PRELID2: variants seen among roughly 807,000 people sequenced by gnomAD.
PRELID2 encodes PRELI domain-containing protein 2.
A neutral mutation model predicts 28.4 loss-of-function variants in PRELID2; 25 were observed. That is an observed-to-expected ratio of 0.88 (90% CI 0.64 to 1.23). The LOEUF (loss-of-function observed/expected upper bound fraction) is 1.23. PRELID2 is among the 50% of genes most tolerant of loss of function. PRELID2 has a pLI of 0.00. For synonymous variants in PRELID2, 76 were observed against 71.6 expected (o/e 1.06, Z -0.31); for missense variants, 201 against 214.4 (o/e 0.94, Z 0.39).
the PRELID2 span, among the ~76,000 whole-genome samples, chr5:145,254,976 T>G: frequency 6.6e-6 from 1 of 151,530 alleles, no homozygotes; most frequent in Non-Finnish European, 1.5e-5. Context: ...AAGCTGAATT[T>G]AACTAAAGCA....
intron 1 of PRELID2, among the ~76,000 whole-genome samples, chr5:145,701,858 C>A (rs1198921785): frequency 6.6e-6 from 1 of 152,176 alleles, no homozygotes; most frequent in Admixed American, 6.5e-5. Flanking sequence ...TCAAGACCAG[C>A]CTGACCAATG....
At chr5:145,233,983 G>A in the PRELID2 span, among the ~76,000 whole-genome samples, 285 of 152,190 alleles carry the variant, frequency 1.9e-3, no homozygotes, top group African/African-American at 6.5e-3. Flanking sequence ...TTGCATTTAC[G>A]TTTATGCTAC....
intron 1 of PRELID2, among the ~76,000 whole-genome samples, chr5:145,491,650 A>G (rs1015588126): frequency 3.3e-5 from 5 of 152,010 alleles, no homozygotes; most frequent in African/African-American, 1.2e-4. Flanking sequence ...TCTTAAACAT[A>G]TTTCTCCTAT....
At chr5:145,499,511 A>G (rs937672934) in intron 1 of PRELID2, among the ~76,000 whole-genome samples, 2 of 152,150 alleles carry the variant, frequency 1.3e-5, no homozygotes, top group African/African-American at 4.8e-5. Context: ...TCCAAAGACA[A>G]CTGACATGAC....
chr5:145,511,214 T>C (rs755784813), intron 1 of PRELID2, among the ~76,000 whole-genome samples: 8 of 152,250 alleles, frequency 5.3e-5, no homozygotes, highest in Non-Finnish European at 1.0e-4. Flanking sequence ...CTGTTTGTGA[T>C]GTGATGATCT....
intron 1 of PRELID2, among the ~76,000 whole-genome samples, chr5:145,705,983 T>C (rs1300410700): frequency 6.9e-6 from 1 of 144,898 alleles, no homozygotes; most frequent in Non-Finnish European, 1.5e-5. Context: ...CCCCACAAAT[T>C]TGATTCAAAA....
At chr5:145,242,092 C>CA in the PRELID2 span, among the ~76,000 whole-genome samples, 5 of 151,576 alleles carry the variant, frequency 3.3e-5, no homozygotes, top group African/African-American at 9.7e-5. Flanking sequence ...GTTCATTTTG[C>CA]AAAAAATATT....
chr5:145,289,450 T>C, the PRELID2 span, among the ~76,000 whole-genome samples: 1 of 152,182 alleles, frequency 6.6e-6, no homozygotes, highest in South Asian at 2.1e-4. Context: ...CTCTTATTGC[T>C]AAATAACATT....
intron 4 of PRELID2, among the ~76,000 whole-genome samples, chr5:145,803,683 A>G (rs933451636): frequency 6.6e-6 from 1 of 150,998 alleles, no homozygotes; most frequent in Non-Finnish European, 1.5e-5. Context: ...TACTAACATT[A>G]GTAATAATTA....
chr5:145,417,899 A>G, the PRELID2 span, among the ~76,000 whole-genome samples: 5 of 152,088 alleles, frequency 3.3e-5, no homozygotes, highest in Non-Finnish European at 7.4e-5. Context: ...CTGGACAGGG[A>G]AATCAAGCAA....
At chr5:145,385,250 A>G in the PRELID2 span, among the ~76,000 whole-genome samples, 1 of 152,196 alleles carries the variant, frequency 6.6e-6, no homozygotes, top group Non-Finnish European at 1.5e-5. Context: ...TTCCAAAGTT[A>G]AGCATGTTCC....
At chr5:145,574,081 G>T (rs1322151689) in intron 1 of PRELID2, among the ~76,000 whole-genome samples, 1 of 152,134 alleles carries the variant, frequency 6.6e-6, no homozygotes, top group African/African-American at 2.4e-5. Context: ...TATCTGAGTG[G>T]ACCCAATGCA....
intron 1 of PRELID2, among the ~76,000 whole-genome samples, chr5:145,524,989 A>G (rs1307099502): frequency 1.3e-5 from 2 of 152,214 alleles, no homozygotes; most frequent in African/African-American, 4.8e-5. Flanking sequence ...TCTTCACTTT[A>G]AAAGTAACCA....
the PRELID2 span, among the ~76,000 whole-genome samples, chr5:145,461,143 C>T: frequency 1.3e-5 from 2 of 152,120 alleles, no homozygotes. Flanking sequence ...TCAATTTGTC[C>T]TATTTTCAAT....
In PRELID2 at chr5:145,676,215, C is replaced by T. The variant is rs141456131; in HGVS notation, n.70+88716G>A. On this transcript the variant is annotated intron_variant and non_coding_transcript_variant, in intron 1 of 2. Transcript: ENST00000510259. ...ACCCTGGGCAACAAGAGCGAAACTCCATCTCAAAAAAAAAAAAAAAAAAAA... is the reference window on the plus strand; with the variant it reads ...ACCCTGGGCAACAAGAGCGAAACTCTATCTCAAAAAAAAAAAAAAAAAAAA... Among the ~76,000 whole-genome samples the T allele has an allele frequency of 5.9e-4, 65 of 110,062 alleles. No individual in the cohort carries two copies. In the East Asian group the frequency reaches 0.014, roughly 24 times the overall value. 72.2% of individuals were successfully genotyped at this position (110,062 alleles called of 152,430 possible).
chr5:145,529,915 C>G (rs781193006), intron 1 of PRELID2, among the ~76,000 whole-genome samples: 3 of 152,106 alleles, frequency 2.0e-5, no homozygotes, highest in Non-Finnish European at 4.4e-5. Context: ...ATCAAAATGC[C>G]TGAGATGACC....
Position 145,615,573 on chromosome 5 carries a change from G to T in PRELID2, n.71-142258C>A, listed in dbSNP as rs111783681. 3.5e-3 allele frequency among the ~76,000 whole-genome samples: 419 copies of T among 119,110 alleles called. 60 individuals are homozygous for T. The highest frequency in any genetic ancestry group is 0.015 in the African/African-American group (398 of 26,890). 78.1% of individuals were successfully genotyped at this position (119,110 alleles called of 152,430 possible). A position where few individuals can be genotyped will look rare whatever the true frequency, so the allele number is the denominator to read the frequency against. ...GATCTCCTGACCTCGTGATCTGCCC[G>T]CCTCGGCCTCCCAAAGTGCTGGGAT... On this transcript the variant is annotated intron_variant and non_coding_transcript_variant, in intron 1 of 2. Transcript: ENST00000510259.
chr5:145,421,718 T>TTG, the PRELID2 span, among the ~76,000 whole-genome samples: 1 of 145,182 alleles, frequency 6.9e-6, no homozygotes, highest in African/African-American at 2.5e-5. Flanking sequence ...AAGGGTTTTT[T>TTG]TGTCTCTATT....
At chr5:145,764,423 G>A (rs1156664042) in intron 6 of PRELID2, among the ~76,000 whole-genome samples, 1 of 152,204 alleles carries the variant, frequency 6.6e-6, no homozygotes, top group East Asian at 1.9e-4. Flanking sequence ...CAGAGCCTGG[G>A]AATTACTCTC....
Sources: allele counts gnomAD v4.1 joint callset (sites outside exome capture counted in the v4.1 genomes callset), GRCh38; gene constraint gnomAD v4.1.1; transcripts MANE v1.5; gene names NCBI Gene and HGNC (gene_info 2026-07-23, HGNC 2026-07-21).